Variants in DIAPH1 observed in about 807,000 individuals in gnomAD.
DIAPH1 encodes protein diaphanous homolog 1.
In DIAPH1, 46 loss-of-function variants were observed where a neutral mutation model predicts 140.7. That is an observed-to-expected ratio of 0.33 (90% confidence interval 0.26 to 0.42). The LOEUF is 0.42. DIAPH1 is among the 10% of genes least tolerant of loss of function. The probability of loss-of-function intolerance (pLI) is 1.00; values close to 1 mark genes in which losing one functional copy is unlikely to be tolerated. For missense variants in DIAPH1, 1,310 were observed against 1,558.7 expected (o/e 0.84, Z 2.69); for synonymous variants, 565 against 551.6 (o/e 1.02, Z -0.34).
intron 18 of DIAPH1, among the ~76,000 whole-genome samples, chr5:141,554,082 C>G (rs1299246136): frequency 6.6e-6 from 1 of 152,110 alleles, no homozygotes; most frequent in Non-Finnish European, 1.5e-5. Context: ...AGTTTGAGAT[C>G]AGCCTCACCA....
chr5:141,519,406 T>A (rs958074679), intron 27 of DIAPH1, among the ~76,000 whole-genome samples: 7 of 152,106 alleles, frequency 4.6e-5, no homozygotes, highest in African/African-American at 1.7e-4. Flanking sequence ...GTAACTCTAG[T>A]GGTATATATA....
In DIAPH1 at chr5:141,529,208, A is replaced by G; in HGVS notation, c.2742T>C (p.Tyr914=). The change falls in exon 21 of 28, where the codon TAT becomes TAC. Residue 914 remains tyrosine (Y), a synonymous_variant. Transcript: ENST00000389054. ...LKMLSELKDE[Y]DDLAESEQFG... ...ACTGCTCTGACTCAGCCAGGTCATC[A>G]TATTCATCCTTCAGTTCAGAAAGCA... The G allele has an allele frequency of 1.2e-6, 2 of 1,614,198 alleles. No homozygotes were observed. The highest frequency in any genetic ancestry group is 1.7e-6 in the Non-Finnish European group (2 of 1,180,038).
chr5:141,582,434 T>C, intron 6 of DIAPH1, 59 bp from the exon 7 acceptor site: 1 of 1,295,424 alleles, frequency 7.7e-7, no homozygotes, highest in African/African-American at 1.5e-5. Flanking sequence ...TTCCCATTTT[T>C]AATCTTGCAA....
At chr5:141,529,946 T>C (rs1044624121) in intron 19 of DIAPH1, among the ~76,000 whole-genome samples, 1 of 152,040 alleles carries the variant, frequency 6.6e-6, no homozygotes, top group Admixed American at 6.6e-5. Flanking sequence ...TAGCCAGGCG[T>C]GGTGGTGTGC....
intron 18 of DIAPH1, among the ~76,000 whole-genome samples, chr5:141,553,320 G>C (rs759617097): frequency 6.7e-6 from 1 of 148,934 alleles, no homozygotes; most frequent in Non-Finnish European, 1.5e-5. Flanking sequence ...CAACTTAAGA[G>C]ATGTGTCCCA....
At chr5:141,550,903 C>T (rs142807054) in intron 18 of DIAPH1, among the ~76,000 whole-genome samples, 14 of 152,316 alleles carry the variant, frequency 9.2e-5, no homozygotes, top group African/African-American at 2.2e-4. Context: ...ATAGTCTTAA[C>T]ATCCAAACCA....
intron 18 of DIAPH1, chr5:141,564,789 A>G (rs1390068085): frequency 4.1e-4 from 63 of 152,268 alleles, no homozygotes; most frequent in Admixed American, 4.1e-3. Flanking sequence ...TAACAGAACC[A>G]GAAGTTTAAA....
chr5:141,588,150 G>A, intron 2 of DIAPH1, 74 bp downstream of exon 2: 1 of 1,261,564 alleles, frequency 7.9e-7, no homozygotes, highest in Non-Finnish European at 1.2e-6. Flanking sequence ...GAAAGTCAAA[G>A]TTATGAAAAC....
chr5:141,543,071 A>AG (rs1407710031), intron 18 of DIAPH1, among the ~76,000 whole-genome samples: 3 of 146,382 alleles, frequency 2.0e-5, no homozygotes, highest in Non-Finnish European at 3.0e-5. Flanking sequence ...ATCTCAGTTT[A>AG]GTTACAAAAA....
intron 18 of DIAPH1, among the ~76,000 whole-genome samples, chr5:141,560,012 C>A (rs776198797): frequency 1.1e-4 from 16 of 152,146 alleles, no homozygotes; most frequent in Non-Finnish European, 2.4e-4. Context: ...CCATAATGAT[C>A]CGCAATTATT....
chr5:141,597,047 C>A (rs1288354958), intron 1 of DIAPH1, among the ~76,000 whole-genome samples: 2 of 151,842 alleles, frequency 1.3e-5, no homozygotes, highest in East Asian at 3.9e-4. Flanking sequence ...AAAAGTACAG[C>A]AAAAAGATAA....
chr5:141,588,918 T>C (rs1245185706), intron 1 of DIAPH1: 1 of 152,314 alleles, frequency 6.6e-6, no homozygotes, highest in African/African-American at 2.4e-5. Flanking sequence ...TCTGGATATA[T>C]TGGAACCACC....
chr5:141,530,470 C>G (rs1359526294), intron 19 of DIAPH1, among the ~76,000 whole-genome samples: 1 of 152,206 alleles, frequency 6.6e-6, no homozygotes, highest in Non-Finnish European at 1.5e-5. Flanking sequence ...TTTCTCTACT[C>G]TGACACCTAG....
chr5:141,529,693 G>A lies in DIAPH1; in HGVS notation c.2586C>T (p.Ile862=). ...LDSKTAQNLS[I]FLGSFRMPYQ... is the part of the protein sequence containing the mutation. ...AGGGCATGCGGAAGGAACCCAAAAA[G>A]ATTGCTGCCAGAAAATGAGATATTA... The change falls in exon 20 of 28, where the codon ATC becomes ATT. Residue 862 remains isoleucine (I), a synonymous_variant. Coordinates refer to ENST00000389054, the MANE Select transcript of DIAPH1 (RefSeq NM_005219.5). 1 of 1,613,818 alleles carries A rather than the reference G, an allele frequency of 6.2e-7. No individual in the cohort carries two copies. The highest frequency in any genetic ancestry group is 8.5e-7 in the Non-Finnish European group (1 of 1,179,736).
intron 18 of DIAPH1, among the ~76,000 whole-genome samples, chr5:141,541,896 A>G (rs2099890041): frequency 6.6e-6 from 1 of 152,184 alleles, no homozygotes; most frequent in South Asian, 2.1e-4. Flanking sequence ...TCAAAGACCT[A>G]TATAAATGGA....
rs896816606 is a variant in DIAPH1, at chr5:141,618,563, C to A, written c.117+235G>T. 125 of 438,802 alleles carry A rather than the reference C, an allele frequency of 2.8e-4. No individual in the cohort carries two copies. The East Asian group carries it at 5.6e-3, about 20-fold the overall frequency. 27.2% of individuals were successfully genotyped at this position (438,802 alleles called of 1,614,324 possible). A position where few individuals can be genotyped will look rare whatever the true frequency, so the allele number is the denominator to read the frequency against. On this transcript the variant is annotated intron_variant, in intron 1 of 27. Transcript: ENST00000389054. Reference sequence around the variant, plus strand: ...CGGGCGGGAGGGCAGAATGTAAGGGCTGGGGAACGAGGGAAGCCCCGAGGT... The same window carrying A: ...CGGGCGGGAGGGCAGAATGTAAGGGATGGGGAACGAGGGAAGCCCCGAGGT...
chr5:141,586,962 T>G (rs2099897643), intron 3 of DIAPH1, 80 bp downstream of exon 3: 2 of 1,461,300 alleles, frequency 1.4e-6, no homozygotes, highest in Non-Finnish European at 1.9e-6. Context: ...AAGGGCTAGT[T>G]GGGAATTATG....
intron 3 of DIAPH1, among the ~76,000 whole-genome samples, chr5:141,584,576 G>A (rs1411888686): frequency 6.6e-6 from 1 of 152,120 alleles, no homozygotes; most frequent in East Asian, 1.9e-4. Flanking sequence ...CTGAAGCACT[G>A]GATGAATGGC....
In DIAPH1 at chr5:141,582,328, G is replaced by C; in HGVS notation, c.668C>G (p.Ala223Gly). 6.2e-7 allele frequency: 1 copy of C among 1,613,902 alleles called. No individual in the cohort carries two copies. The highest frequency in any genetic ancestry group is 8.5e-7 in the Non-Finnish European group (1 of 1,179,816). The change falls in exon 7 of 28, where the codon GCT becomes GGT. Residue 223 changes from alanine (A) to glycine (G), a missense_variant. Physicochemically the swap from Ala to Gly is moderately conservative, Grantham distance 60. Transcript: ENST00000389054. ...AAATCTCACCTTGTTGTTCATAAAA[G>C]CTTTCAAGCAGCGAATGATCTCATG... is the stretch of plus-strand genomic sequence containing the variant. ...NKHEIIRCLK[A>G]FMNNKFGIKT... is the part of the protein sequence containing the mutation.
Sources: gnomAD v4.1 joint callset for allele counts (sites outside exome capture counted in the v4.1 genomes callset) on GRCh38, gnomAD v4.1.1 for gene constraint, MANE v1.5 for transcripts, NCBI Gene and HGNC (gene_info 2026-07-23, HGNC 2026-07-21) for gene names.